CSMD2: variants seen among roughly 807,000 people sequenced by gnomAD.
The protein encoded by CSMD2 is CUB and Sushi multiple domains 2, also known as CUB and sushi domain-containing protein 2.
Under a neutral mutation model 398.5 loss-of-function variants are expected in CSMD2, and 130 were observed. The ratio of observed to expected loss-of-function variants is 0.33; its 90% CI spans 0.28 to 0.38. The LOEUF (loss-of-function observed/expected upper bound fraction) is 0.38. Among genes scored for constraint, CSMD2 ranks in the 10% least tolerant of loss-of-function variants. The pLI is 1.00. For missense variants in CSMD2, 3,829 were observed against 4,764.9 expected, an observed-to-expected ratio of 0.80 and a Z score of 5.78; for synonymous variants, 1,828 against 1,908.5, an observed-to-expected ratio of 0.96 and a Z score of 1.10.
At position 33,633,516 on chromosome 1, in the gene CSMD2, G is replaced by A. The variant is rs926251065; in HGVS notation, c.5106C>T (p.Ala1702=). ...CGTCGTTGAGGGCCGTGTGAAAGAA[G>A]GCGAACTGGCCAAACACCACTGTGG... ...PKDYVVFGQF[A]FFHTALNDVV... Residue 1702 remains alanine (A), a synonymous_variant, in exon 32 of 71, where the codon GCC becomes GCT. Coordinates refer to ENST00000373381, the MANE Select transcript of CSMD2 (RefSeq NM_001281956.2). This position sits in a 1 kb window ranked among gnomAD's most constrained non-coding sequence, Gnocchi z 5.0. 1.5e-5 allele frequency: 23 copies of A among 1,552,668 alleles called. No individual in the cohort carries two copies. The highest frequency in any genetic ancestry group is 1.7e-4 in the Middle Eastern group (1 of 5,944).
chr1:33,750,422 G>A (rs893300660), intron 13 of CSMD2, among the ~76,000 whole-genome samples: 5 of 152,072 alleles, frequency 3.3e-5, no homozygotes, highest in Admixed American at 1.3e-4. Flanking sequence ...AGAGACAGAC[G>A]CTGAGTCCAA....
At chr1:33,520,119 C>T (rs1471270743) in intron 68 of CSMD2, among the ~76,000 whole-genome samples, 169 bp from the exon 69 acceptor site, 2 of 152,206 alleles carry the variant, frequency 1.3e-5, no homozygotes, top group African/African-American at 4.8e-5. Flanking sequence ...CCTGCCTCCA[C>T]GTGCACACTC....
At chr1:33,712,727 T>C (rs2149164006) in intron 21 of CSMD2, among the ~76,000 whole-genome samples, 2 of 152,302 alleles carry the variant, frequency 1.3e-5, no homozygotes, top group Middle Eastern at 6.8e-3. Flanking sequence ...CCAGAACCAT[T>C]TAGCTGAGGA....
chr1:33,693,070 C>T lies in CSMD2; in HGVS notation c.3926-14G>A. On this transcript the variant is annotated splice_polypyrimidine_tract_variant and intron_variant, in intron 24 of 70. Transcript: ENST00000373381. ...CTCCACACTCGGCTGAAAGAAATCCCAAAAGAGTGAGCTTCATGGGGTGGC... is the reference window on the plus strand; with the variant it reads ...CTCCACACTCGGCTGAAAGAAATCCTAAAAGAGTGAGCTTCATGGGGTGGC... The T allele has an allele frequency of 6.3e-7, 1 of 1,585,404 alleles. No individual in the cohort carries two copies. The highest frequency in any genetic ancestry group is 1.2e-5 in the South Asian group (1 of 86,402).
chr1:33,940,123 C>T (rs1465820612), intron 3 of CSMD2, among the ~76,000 whole-genome samples: 1 of 152,142 alleles, frequency 6.6e-6, no homozygotes, highest in Non-Finnish European at 1.5e-5. Flanking sequence ...TTCCTAGCTT[C>T]TGGTGGTTTG....
chr1:33,700,285 G>A (rs1645567771), intron 23 of CSMD2, among the ~76,000 whole-genome samples: 1 of 152,184 alleles, frequency 6.6e-6, no homozygotes, highest in Non-Finnish European at 1.5e-5. Context: ...GGGATTATAG[G>A]CATGAACCAC....
In CSMD2 at chr1:33,525,118, C is replaced by T. The variant is rs1654657872; in HGVS notation, c.10235-75G>A. 2.2e-5 allele frequency: 33 copies of T among 1,468,210 alleles called. No homozygotes were observed. The South Asian group carries it at 3.6e-4, about 16-fold the overall frequency. The allele number at this position is 1,468,210 out of a possible 1,614,324, so 90.9% of individuals were successfully genotyped here. A position where few individuals can be genotyped will look rare whatever the true frequency, so the allele number is the denominator to read the frequency against. On this transcript the variant is annotated intron_variant, in intron 65 of 70. Transcript: ENST00000373381. ...GAATTGGGGTAGCCTGATGACTGATCCCAGCCCACTCACTGGGATTGTTTC... is the reference window on the plus strand; with the variant it reads ...GAATTGGGGTAGCCTGATGACTGATTCCAGCCCACTCACTGGGATTGTTTC...
At chr1:34,141,035 T>G (rs961138411) in intron 1 of CSMD2, among the ~76,000 whole-genome samples, 2 of 152,072 alleles carry the variant, frequency 1.3e-5, no homozygotes, top group Non-Finnish European at 2.9e-5. Context: ...TAGGGCCTTT[T>G]GAGGTTTGGA....
intron 5 of CSMD2, among the ~76,000 whole-genome samples, chr1:33,911,089 C>A (rs1643421871): frequency 6.6e-6 from 1 of 152,182 alleles, no homozygotes; most frequent in African/African-American, 2.4e-5. Flanking sequence ...CAGTGCTTGG[C>A]TATTACATAA....
intron 49 of CSMD2, 88 bp from the exon 50 acceptor site, chr1:33,572,779 C>A: frequency 1.9e-6 from 2 of 1,070,390 alleles, no homozygotes; most frequent in Middle Eastern, 2.2e-4. Context: ...TCCCAAGGTC[C>A]TTTTATTAGT....
chr1:34,076,928 A>AAAAAAAAT (rs1232288848), intron 2 of CSMD2, among the ~76,000 whole-genome samples: 29 of 53,596 alleles, frequency 5.4e-4, no homozygotes, highest in African/African-American at 1.3e-3. Context: ...AAAAAAAAAA[A>AAAAAAAAT]ATATATATAT....
chr1:33,792,491 C>T lies in CSMD2; in HGVS notation c.1482G>A (p.Glu494=), dbSNP rs979654272. Residue 494 remains glutamate, a synonymous_variant, in exon 11 of 71, where the codon GAG becomes GAA. Transcript: ENST00000373381. ...CGACCGTCAGGGTGTCATAGCCCCT[C>T]TCCAAATCAAACTCCTCAAAGGCGA... ...IKLAFEEFDL[E]RGYDTLTVGD... 1.2e-6 allele frequency: 2 copies of T among 1,613,972 alleles called. No individual in the cohort carries two copies. The highest frequency in any genetic ancestry group is 1.7e-6 in the Non-Finnish European group (2 of 1,179,994).
chr1:33,735,121 T>G (rs567978082), intron 15 of CSMD2, among the ~76,000 whole-genome samples: 1 of 152,234 alleles, frequency 6.6e-6, no homozygotes, highest in African/African-American at 2.4e-5. Flanking sequence ...AAGTCTTTCA[T>G]AGAGGTGTTG....
intron 12 of CSMD2, among the ~76,000 whole-genome samples, chr1:33,787,889 C>A (rs943762382): frequency 6.6e-6 from 1 of 152,144 alleles, no homozygotes; most frequent in Non-Finnish European, 1.5e-5. Flanking sequence ...CTTTCTCAGG[C>A]CACCAACAGT....
rs115953178 is a variant in CSMD2 at position 33,553,156 on chromosome 1, C to A, written c.8744-2806G>T. On this transcript the variant is annotated intron_variant, in intron 55 of 70. Transcript: ENST00000373381. ...TTGTGTCTTGCTTTAGTGTGCTTTA[C>A]AGATGTTGTTTTTTTTACAAATGAA... Among the ~76,000 whole-genome samples the A allele has an allele frequency of 5.4e-5, 8 of 148,372 alleles. No homozygotes were observed. In the East Asian group the frequency reaches 1.7e-3, roughly 32 times the overall value.
intron 3 of CSMD2, 80 bp from the exon 4 acceptor site, chr1:33,936,034 T>A (rs1644470932): frequency 8.1e-7 from 1 of 1,238,356 alleles, no homozygotes; most frequent in South Asian, 1.4e-5. Context: ...TAGTAGCAAC[T>A]CCCTAGGCCA....
intron 1 of CSMD2, among the ~76,000 whole-genome samples, chr1:34,158,167 C>T (rs1640977167): frequency 6.6e-6 from 1 of 152,166 alleles, no homozygotes; most frequent in African/African-American, 2.4e-5. Flanking sequence ...GAGAGCCACG[C>T]CATCATTTTC....
At position 33,904,171 on chromosome 1, in the gene CSMD2, G is replaced by C. The variant is rs922955082; in HGVS notation, c.920+13923C>G. On this transcript the variant is annotated intron_variant, in intron 5 of 70. Transcript: ENST00000373381. ...TGATTAATAAACCCAAGTCACTCTA[G>C]GTGCCATCTGCAGAATGGATTACAG... Among the ~76,000 whole-genome samples the C allele has an allele frequency of 4.6e-5, 7 of 152,314 alleles. No individual in the cohort carries two copies. The South Asian group carries it at 1.2e-3, about 27-fold the overall frequency.
chr1:34,125,939 C>G (rs1226586597), intron 1 of CSMD2, among the ~76,000 whole-genome samples: 1 of 152,152 alleles, frequency 6.6e-6, no homozygotes, highest in Non-Finnish European at 1.5e-5. Flanking sequence ...TCAGTGACAC[C>G]ATCCATGACC....
Sources: allele counts gnomAD v4.1 joint callset (sites outside exome capture counted in the v4.1 genomes callset), GRCh38; gene constraint gnomAD v4.1.1; non-coding constraint Gnocchi (gnomAD v3.1); transcripts MANE v1.5; gene names NCBI Gene and HGNC (gene_info 2026-07-23, HGNC 2026-07-21).